Variants in PCDH9 observed in about 807,000 individuals in gnomAD.
PCDH9 encodes protocadherin 9.
Under a neutral mutation model 70.6 loss-of-function variants are expected in PCDH9, and 24 were observed. The ratio of observed to expected loss-of-function variants is 0.34; its 90% CI spans 0.25 to 0.48. The LOEUF is 0.48. PCDH9 is among the 20% of genes least tolerant of loss of function. The pLI is 0.99. For synonymous variants in PCDH9, 562 were observed against 558.5 expected (o/e 1.01, Z -0.09); for missense variants, 1,281 against 1,503.6 (o/e 0.85, Z 2.45).
chr13:66,326,234 T>C (rs1276208771), intron 4 of PCDH9, among the ~76,000 whole-genome samples: 1 of 152,056 alleles, frequency 6.6e-6, no homozygotes, highest in East Asian at 1.9e-4. Flanking sequence ...CACTTACATA[T>C]ATGTAACCCC....
chr13:66,640,155 A>C (rs1206653658), intron 3 of PCDH9, among the ~76,000 whole-genome samples: 3 of 152,230 alleles, frequency 2.0e-5, no homozygotes, highest in Non-Finnish European at 4.4e-5. Context: ...TTAGATAAAT[A>C]TATAGACATC....
intron 2 of PCDH9, among the ~76,000 whole-genome samples, chr13:67,049,423 C>A (rs1351359254): frequency 1.3e-5 from 2 of 152,190 alleles, no homozygotes; most frequent in Non-Finnish European, 2.9e-5. Flanking sequence ...AAAACCTATT[C>A]CAATCATTGT....
intron 4 of PCDH9, among the ~76,000 whole-genome samples, chr13:66,425,086 G>A (rs1448170177): frequency 6.6e-6 from 1 of 151,736 alleles, no homozygotes; most frequent in Non-Finnish European, 1.5e-5. Flanking sequence ...AATGAAAAAT[G>A]GAAAATTATA....
intron 2 of PCDH9, among the ~76,000 whole-genome samples, chr13:67,172,367 C>A (rs1423578403): frequency 6.6e-6 from 1 of 152,068 alleles, no homozygotes; most frequent in Non-Finnish European, 1.5e-5. Context: ...TATGCCCTTT[C>A]TATAGAAAGA....
At chr13:67,028,721 A>C (rs2084843429) in intron 2 of PCDH9, among the ~76,000 whole-genome samples, 1 of 152,218 alleles carries the variant, frequency 6.6e-6, no homozygotes, top group Non-Finnish European at 1.5e-5. Flanking sequence ...CTTCCAAATA[A>C]ATTACTAATA....
At chr13:66,509,640 A>G (rs1959367987) in intron 4 of PCDH9, among the ~76,000 whole-genome samples, 1 of 151,934 alleles carries the variant, frequency 6.6e-6, no homozygotes, top group African/African-American at 2.4e-5. Context: ...TTTGGTAGAG[A>G]CAAGGTCTCA....
At chr13:66,781,290 C>T (rs2079994353) in intron 3 of PCDH9, among the ~76,000 whole-genome samples, 2 of 152,238 alleles carry the variant, frequency 1.3e-5, no homozygotes, top group South Asian at 4.2e-4. Context: ...CTACATTCTG[C>T]CCTTACCAGC....
chr13:66,328,106 A>C (rs1955878629), intron 4 of PCDH9, among the ~76,000 whole-genome samples: 2 of 152,226 alleles, frequency 1.3e-5, no homozygotes, highest in Non-Finnish European at 2.9e-5. Context: ...TAGTTATTGC[A>C]TAAAACTCAT....
At chr13:66,854,253 G>A (rs940152278) in intron 3 of PCDH9, among the ~76,000 whole-genome samples, 6 of 152,108 alleles carry the variant, frequency 3.9e-5, no homozygotes, top group African/African-American at 1.4e-4. Context: ...ACTTTTCTTT[G>A]TCTGTAAAAC....
At chr13:66,450,078 C>T (rs1482646721) in intron 4 of PCDH9, among the ~76,000 whole-genome samples, 1 of 151,994 alleles carries the variant, frequency 6.6e-6, no homozygotes, top group Non-Finnish European at 1.5e-5. Flanking sequence ...TTTATTTTTT[C>T]AAAGTATAAA....
intron 4 of PCDH9, among the ~76,000 whole-genome samples, chr13:66,514,445 C>T (rs77797995): frequency 0.011 from 1,617 of 143,038 alleles, 37 homozygotes; most frequent in East Asian, 0.095. Context: ...AAGAACAAAT[C>T]GTTTTGAGTT....
At chr13:67,094,823 T>A (rs948715292) in intron 2 of PCDH9, among the ~76,000 whole-genome samples, 15 of 152,172 alleles carry the variant, frequency 9.9e-5, no homozygotes, top group African/African-American at 3.6e-4. Context: ...CTAACCATGT[T>A]ATTGTCACTG....
intron 3 of PCDH9, among the ~76,000 whole-genome samples, chr13:66,869,032 A>T (rs1293204461): frequency 6.6e-6 from 1 of 152,168 alleles, no homozygotes; most frequent in Non-Finnish European, 1.5e-5. Flanking sequence ...ATACAATGAA[A>T]TTCAGATTAT....
chr13:67,212,627 G>A (rs989107641), intron 2 of PCDH9: 1 of 152,094 alleles, frequency 6.6e-6, no homozygotes, highest in Non-Finnish European at 1.5e-5. Context: ...ACTTTTGAAA[G>A]CATGAAAATT....
At chr13:66,806,628 G>T (rs2139351600) in intron 3 of PCDH9, among the ~76,000 whole-genome samples, 1 of 152,144 alleles carries the variant, frequency 6.6e-6, no homozygotes, top group Middle Eastern at 3.4e-3. Context: ...ATCGTTTCTG[G>T]GTTTGTAGTT....
intron 2 of PCDH9, among the ~76,000 whole-genome samples, chr13:67,006,673 C>T (rs1347824776): frequency 2.0e-5 from 3 of 152,122 alleles, no homozygotes; most frequent in African/African-American, 7.2e-5. Context: ...GTCATTTATT[C>T]TAAAAGTGTC....
chr13:66,817,574 TTAG>T (rs1214885248), intron 3 of PCDH9, among the ~76,000 whole-genome samples: 1 of 152,192 alleles, frequency 6.6e-6, no homozygotes, highest in African/African-American at 2.4e-5. Flanking sequence ...TAAAATCACC[TTAG>T]TAATTTCATA....
intron 4 of PCDH9, among the ~76,000 whole-genome samples, chr13:66,545,068 C>T (rs9540800): frequency 0.26 from 39,334 of 151,896 alleles, 5,318 homozygotes; most frequent in South Asian, 0.34. Context: ...TCAAGCAAAC[C>T]TAGATGTCCT....
chr13:66,953,804 G>T (rs144223729), intron 2 of PCDH9, among the ~76,000 whole-genome samples: 1 of 152,248 alleles, frequency 6.6e-6, no homozygotes, highest in African/African-American at 2.4e-5. Flanking sequence ...CTCAGGTTCA[G>T]AATTCTACTG....
Sources: allele counts gnomAD v4.1 joint callset (sites outside exome capture counted in the v4.1 genomes callset), GRCh38; gene constraint gnomAD v4.1.1; transcripts MANE v1.5; gene names NCBI Gene and HGNC (gene_info 2026-07-23, HGNC 2026-07-21).